C10orf90: variants seen among roughly 807,000 people sequenced by gnomAD.
C10orf90 encodes (E2-independent) E3 ubiquitin-conjugating enzyme FATS.
A neutral mutation model predicts 62.5 loss-of-function variants in C10orf90; 56 were observed. The ratio of observed to expected loss-of-function variants is 0.90; its 90% CI spans 0.72 to 1.12. The LOEUF is 1.12. Ranked by LOEUF, C10orf90 falls within the 50% of genes most tolerant of loss-of-function variation. The pLI, the probability that C10orf90 is intolerant of heterozygous loss-of-function variation, is 0.00. For synonymous variants in C10orf90, 386 were observed against 340.4 expected (o/e 1.13, Z -1.47); for missense variants, 970 against 880.4 (o/e 1.10, Z -1.29).
chr10:126,515,286 T>A (rs1394193219), intron 2 of C10orf90, among the ~76,000 whole-genome samples: 1 of 152,168 alleles, frequency 6.6e-6, no homozygotes, highest in Non-Finnish European at 1.5e-5. Flanking sequence ...TAGTCTGCAG[T>A]AGCAGACAAT....
At chr10:126,445,270 C>A (rs942357928) in intron 7 of C10orf90, among the ~76,000 whole-genome samples, 2 of 152,122 alleles carry the variant, frequency 1.3e-5, no homozygotes, top group Non-Finnish European at 2.9e-5. Context: ...ATCTATACAT[C>A]TGACAAAGGA....
At chr10:126,620,821 T>TA (rs1183953574) in intron 2 of C10orf90, among the ~76,000 whole-genome samples, 5 of 152,022 alleles carry the variant, frequency 3.3e-5, no homozygotes, top group South Asian at 2.1e-4. Context: ...ATAGAAGCCA[T>TA]AAAAAAACTT....
chr10:126,574,146 G>A (rs55977933), intron 2 of C10orf90, among the ~76,000 whole-genome samples: 7,971 of 152,006 alleles, frequency 0.052, 320 homozygotes, highest in East Asian at 0.15. Flanking sequence ...CAGAAGTCAT[G>A]AAAAACTGAA....
At chr10:126,619,443 T>C (rs762022481) in intron 2 of C10orf90, among the ~76,000 whole-genome samples, 5 of 152,220 alleles carry the variant, frequency 3.3e-5, no homozygotes, top group African/African-American at 7.2e-5. Flanking sequence ...TTCAAATCTT[T>C]ATAAACTCTT....
rs373515310 is a variant in C10orf90, at chr10:126,546,445, T to G, written c.314-32506A>C. ...AGCAGTAAGGAGGTATCTCTTCCCC[T>G]CCCCACCAGGATGGTGCCAGAGGAG... On this transcript the variant is annotated intron_variant, in intron 2 of 9. Coordinates refer to ENST00000488181, the MANE Select transcript of C10orf90 (RefSeq NM_001350921.2). Among the ~76,000 whole-genome samples the G allele has an allele frequency of 1.4e-4, 22 of 152,178 alleles. No homozygotes were observed. In the South Asian group the frequency reaches 4.4e-3, roughly 30 times the overall value.
intron 2 of C10orf90, among the ~76,000 whole-genome samples, chr10:126,547,141 C>A (rs974634297): frequency 6.6e-6 from 1 of 150,944 alleles, no homozygotes; most frequent in Non-Finnish European, 1.5e-5. Flanking sequence ...AAAAAAAGGC[C>A]GGGCGTTGTG....
At chr10:126,434,115 G>C (rs1156906865) in intron 7 of C10orf90, among the ~76,000 whole-genome samples, 3 of 152,144 alleles carry the variant, frequency 2.0e-5, no homozygotes, top group Non-Finnish European at 4.4e-5. Flanking sequence ...GCCCTTGCCT[G>C]TGTCAAAGTC....
chr10:126,463,886 T>A (rs926155327), intron 5 of C10orf90, among the ~76,000 whole-genome samples: 30 of 152,132 alleles, frequency 2.0e-4, no homozygotes, highest in African/African-American at 6.8e-4. Context: ...AGTAGGTGCT[T>A]AATAAATGCT....
intron 2 of C10orf90, among the ~76,000 whole-genome samples, chr10:126,621,550 C>T: frequency 6.6e-6 from 1 of 152,122 alleles, no homozygotes; most frequent in South Asian, 2.1e-4. Flanking sequence ...TTCAAGTATT[C>T]TTCCCCATAT....
chr10:126,595,573 G>T (rs1392800694), intron 2 of C10orf90, among the ~76,000 whole-genome samples: 1 of 152,192 alleles, frequency 6.6e-6, no homozygotes, highest in Non-Finnish European at 1.5e-5. Context: ...GCAGAGGAAG[G>T]TGTGGTACTC....
intron 6 of C10orf90, 94 bp downstream of exon 6, chr10:126,461,307 C>G: frequency 4.2e-6 from 6 of 1,428,178 alleles, no homozygotes; most frequent in Non-Finnish European, 5.7e-6. Context: ...AGGTTTCCAG[C>G]CTCAGAGGTG....
chr10:126,470,568 A>G lies in C10orf90; in HGVS notation c.1535-5582T>C, dbSNP rs577390299. ...AATATAGTAAGACCCTAACTCTACT[A>G]AAAACTAAAAAACAAACAAACAAAC... On this transcript the variant is annotated intron_variant, in intron 4 of 9. Coordinates refer to ENST00000488181, the MANE Select transcript of C10orf90 (RefSeq NM_001350921.2). 8.4e-5 allele frequency among the ~76,000 whole-genome samples: 11 copies of G among 131,512 alleles called. No homozygotes were observed. The South Asian group carries it at 1.7e-3, about 21-fold the overall frequency. The allele number at this position is 131,512 out of a possible 152,430, so 86.3% of individuals were successfully genotyped here. A position where few individuals can be genotyped will look rare whatever the true frequency, so the allele number is the denominator to read the frequency against.
At chr10:126,607,776 A>G (rs192806160) in intron 2 of C10orf90, among the ~76,000 whole-genome samples, 204 of 152,388 alleles carry the variant, frequency 1.3e-3, no homozygotes, top group Middle Eastern at 6.8e-3. Context: ...AGATCCATCA[A>G]TGAATTTTAA....
intron 7 of C10orf90, among the ~76,000 whole-genome samples, chr10:126,439,796 C>A (rs767971064): frequency 1.1e-4 from 16 of 151,988 alleles, no homozygotes; most frequent in Non-Finnish European, 1.9e-4. Context: ...ATGAAGAAAG[C>A]TTATGGGATT....
Position 126,429,835 on chromosome 10 carries a change from G to A in C10orf90, c.2204C>T (p.Pro735Leu). Residue 735 changes from proline to leucine, a missense_variant, in exon 8 of 10, where the codon CCC becomes CTC. Transcript: ENST00000488181. ...CTTCTCTGAAATGCACCGTTCTTTG[G>A]GTTTGAACAAGTTATCTGGAAAAAA... ...PHPLSDNLFK[P>L]KERCISEKEM... The A allele has an allele frequency of 6.2e-7, 1 of 1,613,874 alleles. No homozygotes were observed.
intron 2 of C10orf90, among the ~76,000 whole-genome samples, chr10:126,578,160 A>T (rs894924658): frequency 6.6e-6 from 1 of 152,174 alleles, no homozygotes; most frequent in Non-Finnish European, 1.5e-5. Flanking sequence ...TTAAATTAAG[A>T]GCTGTTCATG....
intron 2 of C10orf90, among the ~76,000 whole-genome samples, chr10:126,625,873 G>T (rs966498241): frequency 2.0e-5 from 3 of 152,086 alleles, no homozygotes; most frequent in Non-Finnish European, 4.4e-5. Context: ...CTAGCACTTT[G>T]GGAAGCCGAG....
intron 4 of C10orf90, among the ~76,000 whole-genome samples, chr10:126,482,136 C>T (rs2133806389): frequency 6.6e-6 from 1 of 152,316 alleles, no homozygotes; most frequent in South Asian, 2.1e-4. Context: ...AGCTTTGGAT[C>T]TTCATCTTCA....
chr10:126,632,320 A>T (rs1281590225), intron 2 of C10orf90, among the ~76,000 whole-genome samples: 1 of 152,006 alleles, frequency 6.6e-6, no homozygotes, highest in East Asian at 2.0e-4. Context: ...GGCATCCAGC[A>T]CTGCCTCTCT....
Sources: gnomAD v4.1 joint callset for allele counts (sites outside exome capture counted in the v4.1 genomes callset) on GRCh38, gnomAD v4.1.1 for gene constraint, MANE v1.5 for transcripts, NCBI Gene and HGNC (gene_info 2026-07-23, HGNC 2026-07-21) for gene names.